Variants in MLPH observed in about 807,000 individuals in gnomAD.
MLPH encodes melanophilin, also known as exophilin-3.
Under a neutral mutation model 72.1 loss-of-function variants are expected in MLPH, and 51 were observed. That is an observed-to-expected ratio of 0.71 (90% CI 0.56 to 0.89). MLPH has a LOEUF of 0.89. Ranked by LOEUF, MLPH falls within the 40% of genes least tolerant of loss-of-function variation. The probability of loss-of-function intolerance (pLI) is 0.00; values close to 1 mark genes in which losing one functional copy is unlikely to be tolerated. For synonymous variants in MLPH, 301 were observed against 310.1 expected, an observed-to-expected ratio of 0.97 and a Z score of 0.31; for missense variants, 743 against 759.9, an observed-to-expected ratio of 0.98 and a Z score of 0.26.
chr2:237,499,004 T>C (rs1056136509), intron 2 of MLPH, among the ~76,000 whole-genome samples: 5 of 152,196 alleles, frequency 3.3e-5, no homozygotes, highest in South Asian at 2.1e-4. Context: ...TTGACTTTAC[T>C]CTGTGGTTAG....
chr2:237,515,581 T>A (rs1368065229), intron 4 of MLPH, among the ~76,000 whole-genome samples: 2 of 152,144 alleles, frequency 1.3e-5, no homozygotes, highest in African/African-American at 4.8e-5. Context: ...AGGAACTGGT[T>A]GAAATGCTGT....
Position 237,546,675 on chromosome 2 carries a change from G to A in MLPH, c.1609G>A (p.Glu537Lys), listed in dbSNP as rs200753921. Reference sequence around the variant, plus strand: ...GGACCCAAATGCAGACCCTTCAAGTGAGGCCAAGGTATGTGTTACTCCATT... The same window carrying A: ...GGACCCAAATGCAGACCCTTCAAGTAAGGCCAAGGTATGTGTTACTCCATT... ...PEDPNADPSS[E>K]AKAMAVPYLL... The change falls in exon 13 of 16, where the codon GAG becomes AAG. Residue 537 changes from glutamate (E) to lysine (K), a missense_variant. By Grantham distance (56) the Glu-to-Lys change is moderately conservative. Coordinates refer to ENST00000264605, the MANE Select transcript of MLPH (RefSeq NM_024101.7). 197 of 1,614,060 alleles carry A rather than the reference G, an allele frequency of 1.2e-4. No homozygotes were observed. In the African/African-American group the frequency reaches 2.2e-3, roughly 18 times the overall value.
At chr2:237,550,817 G>A (rs1306006620) in intron 14 of MLPH, among the ~76,000 whole-genome samples, 1 of 152,184 alleles carries the variant, frequency 6.6e-6, no homozygotes, top group African/African-American at 2.4e-5. Context: ...CCAAAGTGCT[G>A]GGATTACAGG....
At chr2:237,540,619 A>G in intron 10 of MLPH, 86 bp downstream of exon 10, 8 of 1,528,716 alleles carry the variant, frequency 5.2e-6, no homozygotes, top group East Asian at 2.4e-5. Context: ...CACCCTCCCC[A>G]GGGAGGCAGC....
rs374338517 is a variant in MLPH at position 237,552,291 on chromosome 2, G to A, written c.1676-46G>A. The A allele has an allele frequency of 6.7e-5, 104 of 1,554,580 alleles. No homozygotes were observed. The African/African-American group carries it at 1.4e-3, about 20-fold the overall frequency. On this transcript the variant is annotated intron_variant, in intron 14 of 15. Transcript: ENST00000264605. ...AGGCCAAGGCACTTGTTTGGGCTAA[G>A]TATGTGATTGATAAAGCACCATCCC... is the stretch of plus-strand genomic sequence containing the variant.
intron 13 of MLPH, 81 bp downstream of exon 13, chr2:237,546,764 C>T (rs986021670): frequency 9.9e-6 from 12 of 1,206,812 alleles, no homozygotes; most frequent in South Asian, 3.6e-5. Context: ...GGCAAGTCCA[C>T]GGGGTGGCAG....
chr2:237,554,309 C>T lies in MLPH; in HGVS notation c.*717C>T, dbSNP rs930550848. ...GGAGACGAAGAGACAGCAGGCAGAG[C>T]TCCAGATGGGCAAGGAAGAGGCTTG... On this transcript the variant is annotated 3_prime_UTR_variant, in exon 16 of 16. Transcript: ENST00000264605. 4.8e-5 allele frequency: 8 copies of T among 167,360 alleles called. No homozygotes were observed. Among genetic ancestry groups the T allele is most frequent in the Admixed American group, 4.4e-4 (8 of 18,284 alleles). The allele number at this position is 167,360 out of a possible 1,614,324, so 10.4% of individuals were successfully genotyped here.
rs1239998161 is a variant in MLPH, at chr2:237,549,290, C to T, written c.1675+12C>T. The T allele has an allele frequency of 2.5e-6, 4 of 1,613,012 alleles. No homozygotes were observed. Among genetic ancestry groups the T allele is most frequent in the Non-Finnish European group, 3.4e-6 (4 of 1,179,084 alleles). The stretch of plus-strand genomic sequence containing the variant: ...CCTGAAAAGTCAAGGTAAGAGCCCT[C>T]TGCTCCCCCACCCCCATGGGCCTGG... On this transcript the variant is annotated intron_variant, in intron 14 of 15. Transcript: ENST00000264605.
chr2:237,536,423 C>T (rs1005474364), intron 9 of MLPH, among the ~76,000 whole-genome samples: 4 of 152,208 alleles, frequency 2.6e-5, no homozygotes, highest in African/African-American at 4.8e-5. Flanking sequence ...ACATTTCTTT[C>T]CCTCACTTAT....
At chr2:237,546,533 GCTGA>G in intron 12 of MLPH, 69 bp from the exon 13 acceptor site, 1 of 1,317,162 alleles carries the variant, frequency 7.6e-7, no homozygotes, top group Middle Eastern at 1.8e-4. Context: ...CTTACATCCA[GCTGA>G]CCCATGCCCA....
At chr2:237,537,281 T>TGA (rs1491521373) in intron 9 of MLPH, among the ~76,000 whole-genome samples, 4 of 150,562 alleles carry the variant, frequency 2.7e-5, no homozygotes, top group African/African-American at 9.7e-5. Flanking sequence ...TGTGTAGGTT[T>TGA]GTGTGTGTGT....
At chr2:237,520,140 G>A in intron 6 of MLPH, 111 bp downstream of exon 6, 5 of 1,434,860 alleles carry the variant, frequency 3.5e-6, no homozygotes, top group Admixed American at 3.6e-5. Flanking sequence ...TGGCCACACA[G>A]TCCCACCTGG....
rs1246947638 is a variant in MLPH, at chr2:237,505,898, C to G, written c.111-4676C>G. Among the ~76,000 whole-genome samples the G allele has an allele frequency of 2.6e-5, 4 of 152,174 alleles. No homozygotes were observed. The highest frequency in any genetic ancestry group is 9.7e-5 in the African/African-American group (4 of 41,434). Reference sequence around the variant, plus strand: ...GACTGCAGAGGACAGTAATGTGGGTCCCCTGCCCCAAGGACAAGGACAGCA... The same window carrying G: ...GACTGCAGAGGACAGTAATGTGGGTGCCCTGCCCCAAGGACAAGGACAGCA... On this transcript the variant is annotated intron_variant, in intron 2 of 15. Coordinates refer to ENST00000264605, the MANE Select transcript of MLPH (RefSeq NM_024101.7). This position sits in a 1 kb window ranked among gnomAD's most constrained non-coding sequence, Gnocchi z 4.5.
intron 12 of MLPH, 48 bp downstream of exon 12, chr2:237,542,707 AGTGGTGAGTGGCG>A: frequency 8.2e-7 from 1 of 1,219,018 alleles, no homozygotes; most frequent in Non-Finnish European, 1.1e-6. Context: ...GTGGGGGGGC[AGTGGTGAGTGGCG>A]GACAGTGGTG....
Position 237,545,365 on chromosome 2 carries a change from A to G in MLPH, c.1540-1241A>G, listed in dbSNP as rs537461200. On this transcript the variant is annotated intron_variant, in intron 12 of 15. Coordinates refer to ENST00000264605, the MANE Select transcript of MLPH (RefSeq NM_024101.7). ...GCCCCCCACCTCCCTTCCCGTGAAC[A>G]TCCGGCCTGAGTTTCCTCATAGCCA... The G allele has an allele frequency of 1.3e-4, 140 of 1,069,358 alleles. No individual in the cohort carries two copies. The African/African-American group carries it at 2.2e-3, about 17-fold the overall frequency. The allele number at this position is 1,069,358 out of a possible 1,614,324, so 66.2% of individuals were successfully genotyped here. A position where few individuals can be genotyped will look rare whatever the true frequency, so the allele number is the denominator to read the frequency against.
chr2:237,533,007 C>T (rs1322058959), intron 8 of MLPH, among the ~76,000 whole-genome samples: 1 of 152,228 alleles, frequency 6.6e-6, no homozygotes, highest in Non-Finnish European at 1.5e-5. Flanking sequence ...CAAACCATCA[C>T]CAGTCCTTAC....
intron 4 of MLPH, among the ~76,000 whole-genome samples, chr2:237,514,118 A>G (rs991922617): frequency 1.3e-5 from 2 of 152,186 alleles, no homozygotes; most frequent in Non-Finnish European, 2.9e-5. Context: ...CCTGCTGCTA[A>G]TAGGCTGAGT....
intron 12 of MLPH, 114 bp from the exon 13 acceptor site, chr2:237,546,492 C>G: frequency 1.1e-6 from 1 of 928,906 alleles, no homozygotes; most frequent in Non-Finnish European, 1.8e-6. Flanking sequence ...TCCCAGCATC[C>G]CCAACCCAGC....
At position 237,546,684 on chromosome 2, in the gene MLPH, G is replaced by C. The variant is rs1386108061; in HGVS notation, c.1617+1G>C. ...TGCAGACCCTTCAAGTGAGGCCAAG[G>C]TATGTGTTACTCCATTCAAGCCCCA... is the stretch of plus-strand genomic sequence containing the variant. On this transcript the variant is annotated splice_donor_variant, in intron 13 of 15. Coordinates refer to ENST00000264605, the MANE Select transcript of MLPH (RefSeq NM_024101.7). LOFTEE classifies it high-confidence loss of function. 1 of 1,613,624 alleles carries C rather than the reference G, an allele frequency of 6.2e-7. No individual in the cohort carries two copies. The highest frequency in any genetic ancestry group is 8.5e-7 in the Non-Finnish European group (1 of 1,179,514).
Sources: allele counts gnomAD v4.1 joint callset (sites outside exome capture counted in the v4.1 genomes callset), GRCh38; gene constraint gnomAD v4.1.1; non-coding constraint Gnocchi (gnomAD v3.1); transcripts MANE v1.5; gene names NCBI Gene and HGNC (gene_info 2026-07-23, HGNC 2026-07-21).